CCDC146: variants seen among roughly 807,000 people sequenced by gnomAD.
The protein encoded by CCDC146 is coiled-coil domain-containing protein 146.
Under a neutral mutation model 119.3 loss-of-function variants are expected in CCDC146, and 92 were observed. The observed-to-expected ratio is 0.77, with a 90% CI of 0.65 to 0.92. The LOEUF (loss-of-function observed/expected upper bound fraction) is 0.92. Ranked by LOEUF, CCDC146 falls within the 40% of genes least tolerant of loss-of-function variation. CCDC146 has a pLI of 0.00. For missense variants in CCDC146, 1,000 were observed against 1,103.0 expected (o/e 0.91, Z 1.32); for synonymous variants, 372 against 371.8 (o/e 1.00, Z -0.01).
chr7:77,293,293 T>C, intron 18 of CCDC146, 93 bp downstream of exon 18: 1 of 1,376,280 alleles, frequency 7.3e-7, no homozygotes, highest in Non-Finnish European at 9.9e-7. Flanking sequence ...AAGAAAAATT[T>C]CCCCACTCTA....
chr7:77,192,905 A>C (rs1791796604), intron 2 of CCDC146, among the ~76,000 whole-genome samples: 1 of 152,212 alleles, frequency 6.6e-6, no homozygotes, highest in Non-Finnish European at 1.5e-5. Context: ...CCTGGGCGAC[A>C]GAGTGAGACT....
At chr7:77,124,027 G>A (rs1415228310) in intron 1 of CCDC146, among the ~76,000 whole-genome samples, 1 of 152,154 alleles carries the variant, frequency 6.6e-6, no homozygotes, top group Non-Finnish European at 1.5e-5. Flanking sequence ...AAAGGCACTG[G>A]TTTAAGGAAG....
chr7:77,187,242 A>G (rs1027843568), intron 2 of CCDC146, among the ~76,000 whole-genome samples: 16 of 152,210 alleles, frequency 1.1e-4, no homozygotes, highest in Non-Finnish European at 1.6e-4. Flanking sequence ...CAAGGAGGGA[A>G]TAAGGACTGA....
chr7:77,260,346 AT>A (rs1349479157), intron 8 of CCDC146, 110 bp downstream of exon 8: 2 of 738,168 alleles, frequency 2.7e-6, no homozygotes, highest in Admixed American at 6.7e-5. Context: ...TTTAAAAATA[AT>A]TTTAAATCAA....
At chr7:77,226,729 A>G (rs927892322) in intron 2 of CCDC146, among the ~76,000 whole-genome samples, 1 of 152,242 alleles carries the variant, frequency 6.6e-6, no homozygotes, top group Non-Finnish European at 1.5e-5. Context: ...ACTTTGTGCT[A>G]TATTTCTTAG....
intron 1 of CCDC146, among the ~76,000 whole-genome samples, chr7:77,138,290 C>CAGAA (rs1394691586): frequency 8.2e-6 from 1 of 121,898 alleles, no homozygotes; most frequent in Non-Finnish European, 1.8e-5. Context: ...GGGGCAGTTG[C>CAGAA]AAAAAAAAAA....
intron 2 of CCDC146, among the ~76,000 whole-genome samples, chr7:77,177,994 A>G (rs1791525879): frequency 6.6e-6 from 1 of 152,240 alleles, no homozygotes; most frequent in African/African-American, 2.4e-5. Flanking sequence ...AAGACCTTGT[A>G]ATGCACTTAA....
At chr7:77,261,100 C>A (rs1793287974) in intron 8 of CCDC146, among the ~76,000 whole-genome samples, 1 of 151,314 alleles carries the variant, frequency 6.6e-6, no homozygotes, top group Admixed American at 6.6e-5. Context: ...TGAGAATAGT[C>A]ATGTGTGTAT....
intron 2 of CCDC146, among the ~76,000 whole-genome samples, chr7:77,232,296 C>A (rs1429358792): frequency 1.3e-5 from 2 of 152,126 alleles, no homozygotes. Context: ...ACTTTTAACT[C>A]AGGGACTGAC....
chr7:77,292,854 C>T, intron 17 of CCDC146, 98 bp from the exon 18 acceptor site: 1 of 1,330,516 alleles, frequency 7.5e-7, no homozygotes, highest in Non-Finnish European at 1.0e-6. Context: ...TTCCTTCAGA[C>T]AAAAATGCAC....
intron 1 of CCDC146, among the ~76,000 whole-genome samples, chr7:77,142,790 A>C (rs1245610798): frequency 6.6e-6 from 1 of 151,796 alleles, no homozygotes; most frequent in Non-Finnish European, 1.5e-5. Flanking sequence ...TATATGTGCC[A>C]CATTTTCTCA....
intron 2 of CCDC146, among the ~76,000 whole-genome samples, chr7:77,187,842 C>T (rs886726430): frequency 2.0e-4 from 31 of 152,076 alleles, no homozygotes; most frequent in African/African-American, 7.0e-4. Flanking sequence ...GAATCTACTG[C>T]TTAAGTGGTT....
At chr7:77,275,339 G>A (rs1042580987) in intron 11 of CCDC146, among the ~76,000 whole-genome samples, 4 of 152,128 alleles carry the variant, frequency 2.6e-5, no homozygotes, top group Non-Finnish European at 4.4e-5. Flanking sequence ...CACTATAACT[G>A]TGCCTCTCCT....
chr7:77,137,693 A>G (rs1187352047), intron 1 of CCDC146, among the ~76,000 whole-genome samples: 2 of 151,822 alleles, frequency 1.3e-5, no homozygotes, highest in Non-Finnish European at 2.9e-5. Context: ...TGTAGATTCA[A>G]TGCAATCCCA....
chr7:77,129,103 C>T (rs148248981), intron 1 of CCDC146, among the ~76,000 whole-genome samples: 2,108 of 152,138 alleles, frequency 0.014, 71 homozygotes, highest in African/African-American at 0.048. Flanking sequence ...CCATGATGAA[C>T]TGCAGTCTGA....
chr7:77,235,789 G>A (rs1792723126), intron 2 of CCDC146, among the ~76,000 whole-genome samples: 1 of 152,156 alleles, frequency 6.6e-6, no homozygotes, highest in Non-Finnish European at 1.5e-5. Context: ...CACTTTAGAG[G>A]TAAGGGCCAG....
chr7:77,270,269 T>A (rs1793485084), intron 9 of CCDC146, among the ~76,000 whole-genome samples: 1 of 152,102 alleles, frequency 6.6e-6, no homozygotes. Context: ...CCAAAACTAT[T>A]AATAGTGACT....
Position 77,160,707 on chromosome 7 carries a change from A to T in CCDC146, c.-11-6951A>T, listed in dbSNP as rs941404969. ...GGTTTTCTAGATATACAATCATGTC[A>T]TCTGCAAACAGGGACAATTTGACTT... is the stretch of plus-strand genomic sequence containing the variant. On this transcript the variant is annotated intron_variant, in intron 1 of 18. Coordinates refer to ENST00000285871, the MANE Select transcript of CCDC146 (RefSeq NM_020879.3). Among the ~76,000 whole-genome samples the T allele has an allele frequency of 1.5e-3, 225 of 152,308 alleles. 1 individual carries two copies. The highest frequency in any genetic ancestry group is 2.7e-3 in the Non-Finnish European group (183 of 68,030).
intron 9 of CCDC146, among the ~76,000 whole-genome samples, chr7:77,264,944 T>G (rs866600099): frequency 5.3e-4 from 80 of 152,344 alleles, no homozygotes; most frequent in African/African-American, 1.9e-3. Flanking sequence ...TTATTTGTAT[T>G]TTTACTACTT....
Sources: gnomAD v4.1 joint callset for allele counts (sites outside exome capture counted in the v4.1 genomes callset) on GRCh38, gnomAD v4.1.1 for gene constraint, MANE v1.5 for transcripts, NCBI Gene and HGNC (gene_info 2026-07-23, HGNC 2026-07-21) for gene names.